The following PFKFB4 variants were observed in gnomAD, a reference collection of about 807,000 sequenced individuals.
PFKFB4 encodes 6-phosphofructo-2-kinase/fructose-2,6-bisphosphatase 4.
In PFKFB4, 42 loss-of-function variants were observed where a neutral mutation model predicts 62.8. The observed-to-expected ratio is 0.67, with a 90% CI of 0.52 to 0.86. The LOEUF (loss-of-function observed/expected upper bound fraction) is 0.86. Among genes scored for constraint, PFKFB4 ranks in the 40% least tolerant of loss-of-function variants. PFKFB4 has a pLI of 0.00. For synonymous variants in PFKFB4, 204 were observed against 240.7 expected (o/e 0.85, Z 1.41); for missense variants, 475 against 627.2 (o/e 0.76, Z 2.59).
chr3:48,535,410 C>T (rs762691445), intron 9 of PFKFB4, 102 bp downstream of exon 9: 39 of 1,058,266 alleles, frequency 3.7e-5, no homozygotes, highest in Non-Finnish European at 5.3e-5. Context: ...TTTCTCTCTC[C>T]TCTCCTTTGC....
intron 9 of PFKFB4, among the ~76,000 whole-genome samples, chr3:48,532,812 C>G (rs757986108): frequency 2.3e-4 from 35 of 152,158 alleles, no homozygotes; most frequent in Non-Finnish European, 4.6e-4. Flanking sequence ...GCACTGTAGC[C>G]TGGGTGACAG....
upstream of PFKFB4, among the ~76,000 whole-genome samples, chr3:48,557,540 G>A (rs1474921037): frequency 6.6e-6 from 1 of 152,060 alleles, no homozygotes; most frequent in Non-Finnish European, 1.5e-5. Flanking sequence ...AAATGCGTGG[G>A]ACTTTTTTTT....
intron 4 of PFKFB4, among the ~76,000 whole-genome samples, chr3:48,542,332 T>G (rs1239463498): frequency 8.1e-6 from 1 of 123,808 alleles, no homozygotes; most frequent in African/African-American, 3.2e-5. Flanking sequence ...AGACTCCATC[T>G]CAAAAAAAAA....
At chr3:48,527,601 T>C (rs1205044328) in intron 9 of PFKFB4, among the ~76,000 whole-genome samples, 1 of 152,052 alleles carries the variant, frequency 6.6e-6, no homozygotes, top group Non-Finnish European at 1.5e-5. Context: ...GAAGAGACTG[T>C]TAGTAGAAAT....
upstream of PFKFB4, chr3:48,559,497 C>G (rs1266183221): frequency 4.4e-6 from 2 of 456,888 alleles, no homozygotes; most frequent in Non-Finnish European, 8.8e-6. Context: ...TCGCACAGTC[C>G]ACCTTCACAT....
chr3:48,561,628 C>G (rs927358029), upstream of PFKFB4: 2 of 151,180 alleles, frequency 1.3e-5, no homozygotes, highest in African/African-American at 4.8e-5. This position sits in a 1 kb window ranked among gnomAD's most constrained non-coding sequence, Gnocchi z 5.2. Flanking sequence ...CTGGGATTCT[C>G]GCACATCCCA....
intron 10 of PFKFB4, among the ~76,000 whole-genome samples, chr3:48,524,373 T>C (rs1018713405): frequency 7.9e-5 from 12 of 152,078 alleles, no homozygotes; most frequent in African/African-American, 2.9e-4. Context: ...GGTTTAGAGA[T>C]TTTCATCAGT....
In PFKFB4 at chr3:48,550,222, T is replaced by C. The variant is rs1312585178; in HGVS notation, c.110A>G (p.Asn37Ser). Residue 37 changes from asparagine to serine, a missense_variant, in exon 2 of 14, where the codon AAC becomes AGC. Asn to Ser is a conservative substitution (Grantham distance 46). Transcript: ENST00000232375. The stretch of plus-strand genomic sequence containing the variant: ...CACCATGACAATGAGAGTTGGGCAG[T>C]TGGTCATGCACACTAAAAGGCAAGC... The part of the protein sequence containing the change: ...HACQRGVCMT[N>S]CPTLIVMVGL... 6.2e-7 allele frequency: 1 copy of C among 1,612,986 alleles called. No individual in the cohort carries two copies. Among genetic ancestry groups the C allele is most frequent in the Non-Finnish European group, 8.5e-7 (1 of 1,179,012 alleles).
chr3:48,525,708 C>T (rs2042235998), intron 9 of PFKFB4, 39 bp from the exon 10 acceptor site: 1 of 1,198,890 alleles, frequency 8.3e-7, no homozygotes, highest in Non-Finnish European at 1.2e-6. Flanking sequence ...CCTACAGGCC[C>T]AGAAGATGAG....
At position 48,521,021 on chromosome 3, in the gene PFKFB4, C is replaced by T. The variant is rs899551584; in HGVS notation, c.1350+965G>A. 1.3e-5 allele frequency among the ~76,000 whole-genome samples: 2 copies of T among 152,158 alleles called. No individual in the cohort carries two copies. Among genetic ancestry groups the T allele is most frequent in the Non-Finnish European group, 2.9e-5 (2 of 68,030 alleles). ...GGGCTGAACTTGGCCAAGACATGCA[C>T]GAACTATCAGAGCAATGGGAAGAGA... is the stretch of plus-strand genomic sequence containing the variant. On this transcript the variant is annotated intron_variant, in intron 13 of 13. Transcript: ENST00000232375. This position sits in a 1 kb window ranked among gnomAD's most constrained non-coding sequence, Gnocchi z 5.3.
chr3:48,543,048 A>T (rs1368427237), intron 4 of PFKFB4, among the ~76,000 whole-genome samples: 1 of 152,162 alleles, frequency 6.6e-6, no homozygotes, highest in Non-Finnish European at 1.5e-5. Context: ...TCCAGAAGGC[A>T]TGACTCCAGG....
chr3:48,544,728 G>GC (rs1560172421), intron 3 of PFKFB4, among the ~76,000 whole-genome samples: 2 of 143,482 alleles, frequency 1.4e-5, no homozygotes. Context: ...CAGAAGGTTT[G>GC]TTTTTTTTTT....
rs144239719 is a variant in PFKFB4, at chr3:48,525,829, A to C, written c.988-160T>G. 3.8e-3 allele frequency: 1,684 copies of C among 444,176 alleles called. 8 individuals carry two copies. The highest frequency in any genetic ancestry group is 5.4e-3 in the Non-Finnish European group (1,331 of 246,402). 27.5% of individuals were successfully genotyped at this position (444,176 alleles called of 1,614,324 possible). A position where few individuals can be genotyped will look rare whatever the true frequency, so the allele number is the denominator to read the frequency against. On this transcript the variant is annotated intron_variant, in intron 9 of 13. Coordinates refer to ENST00000232375, the MANE Select transcript of PFKFB4 (RefSeq NM_004567.4). ...TCTAAGGAGGGGAGGACCTCTAGGA[A>C]CACTGATCATTGGTGGTTCCTTGCT...
intron 9 of PFKFB4, among the ~76,000 whole-genome samples, chr3:48,530,477 G>A (rs2042395850): frequency 6.6e-6 from 1 of 151,950 alleles, no homozygotes; most frequent in Non-Finnish European, 1.5e-5. Flanking sequence ...AAGCTTTAAG[G>A]TAAAGACTAT....
chr3:48,537,903 AT>A (rs571850270), intron 7 of PFKFB4, among the ~76,000 whole-genome samples: 166 of 152,114 alleles, frequency 1.1e-3, no homozygotes, highest in African/African-American at 3.9e-3. Context: ...GCAATATTAT[AT>A]TTTCCCATGT....
chr3:48,524,394 T>C (rs1297984842), intron 10 of PFKFB4, among the ~76,000 whole-genome samples: 3 of 152,220 alleles, frequency 2.0e-5, no homozygotes, highest in Non-Finnish European at 4.4e-5. Context: ...TTCATCCTTC[T>C]GCACACAATG....
rs763962009 is a variant in PFKFB4, at chr3:48,535,608, C to T, written c.891G>A (p.Leu297=). The T allele has an allele frequency of 4.3e-6, 7 of 1,614,128 alleles. No homozygotes were observed. In the Admixed American group the frequency reaches 1.2e-4, roughly 27 times the overall value. ...TCTTCATCTGGCTTGTCCAGACCTTCAGATCCTTGATATTTTGGTCACTGA... is the reference window on the plus strand; with the variant it reads ...TCTTCATCTGGCTTGTCCAGACCTTTAGATCCTTGATATTTTGGTCACTGA... ...QFISDQNIKD[L]KVWTSQMKRT... The change falls in exon 9 of 14, where the codon CTG becomes CTA. Residue 297 remains leucine (L), a synonymous_variant. Transcript: ENST00000232375.
chr3:48,556,968 G>A, upstream of PFKFB4: 2 of 1,391,724 alleles, frequency 1.4e-6, no homozygotes, highest in African/African-American at 1.5e-5. This position sits in a 1 kb window ranked among gnomAD's most constrained non-coding sequence, Gnocchi z 5.7. Flanking sequence ...CTCCGACCAC[G>A]CATGCCCAAC....
Position 48,550,051 on chromosome 3 carries a change from A to G in PFKFB4, c.214+67T>C, listed in dbSNP as rs760138980. 2.2e-6 allele frequency: 3 copies of G among 1,390,736 alleles called. No homozygotes were observed. In the East Asian group the frequency reaches 6.9e-5, roughly 32 times the overall value. 86.1% of individuals were successfully genotyped at this position (1,390,736 alleles called of 1,614,324 possible). ...AACCCCAGGCCAAATAATAGAGAAT[A>G]GGCCTTCTCTATTCTCTTCGTCATG... is the stretch of plus-strand genomic sequence containing the variant. On this transcript the variant is annotated intron_variant, in intron 2 of 13. Transcript: ENST00000232375.
Sources: allele counts gnomAD v4.1 joint callset (sites outside exome capture counted in the v4.1 genomes callset), GRCh38; gene constraint gnomAD v4.1.1; non-coding constraint Gnocchi (gnomAD v3.1); transcripts MANE v1.5; gene names NCBI Gene and HGNC (gene_info 2026-07-23, HGNC 2026-07-21).